ITCH: variants seen among roughly 807,000 people sequenced by gnomAD.
ITCH encodes E3 ubiquitin-protein ligase Itchy homolog.
In ITCH, 28 loss-of-function variants were observed where a neutral mutation model predicts 126.8. The observed-to-expected ratio is 0.22, with a 90% CI of 0.16 to 0.30. The LOEUF (loss-of-function observed/expected upper bound fraction) is 0.30. Ranked by LOEUF, ITCH falls within the 10% of genes least tolerant of loss-of-function variation. The pLI, the probability that ITCH is intolerant of heterozygous loss-of-function variation, is 1.00. For missense variants in ITCH, 631 were observed against 1,032.4 expected, an observed-to-expected ratio of 0.61 and a Z score of 5.33; for synonymous variants, 342 against 340.0, an observed-to-expected ratio of 1.01 and a Z score of -0.06.
At chr20:34,470,162 T>A in intron 15 of ITCH, 42 bp downstream of exon 15, 1 of 1,402,206 alleles carries the variant, frequency 7.1e-7, no homozygotes, top group Non-Finnish European at 9.8e-7. Context: ...TTAACTTTGT[T>A]GTGTTGCTTT....
intron 3 of ITCH, chr20:34,402,040 C>T: frequency 1.6e-6 from 1 of 635,376 alleles, no homozygotes; most frequent in Non-Finnish European, 2.8e-6. Context: ...GTGCGTTTGT[C>T]ATTATGGCAA....
At chr20:34,440,412 A>T in intron 9 of ITCH, 68 bp downstream of exon 9, 1 of 1,174,662 alleles carries the variant, frequency 8.5e-7, no homozygotes, top group African/African-American at 1.5e-5. Context: ...ATTAATAAGG[A>T]AAATAACAGT....
chr20:34,450,759 A>G (rs995667674), intron 12 of ITCH, among the ~76,000 whole-genome samples: 5 of 152,194 alleles, frequency 3.3e-5, no homozygotes, highest in African/African-American at 1.2e-4. Flanking sequence ...GTTGGTCCCC[A>G]AGATACATTG....
intron 12 of ITCH, among the ~76,000 whole-genome samples, chr20:34,454,160 C>T (rs1427061967): frequency 4.1e-5 from 6 of 144,912 alleles, no homozygotes; most frequent in Admixed American, 2.8e-4. Flanking sequence ...TTTTTTGAGA[C>T]GGAGTCTCGC....
chr20:34,410,235 G>A (rs538201964), intron 4 of ITCH, among the ~76,000 whole-genome samples: 2 of 152,112 alleles, frequency 1.3e-5, no homozygotes, highest in South Asian at 4.1e-4. Flanking sequence ...GGGTGTGGTG[G>A]TGGGTGCCTG....
chr20:34,398,476 G>A (rs895053482), intron 3 of ITCH, among the ~76,000 whole-genome samples: 27 of 150,754 alleles, frequency 1.8e-4, no homozygotes, highest in Admixed American at 1.2e-3. Context: ...TCGGCTCACC[G>A]CAACCTCCGC....
Position 34,479,633 on chromosome 20 carries a change from A to G in ITCH, c.1662A>G (p.Glu554=). 1 of 1,613,688 alleles carries G rather than the reference A, an allele frequency of 6.2e-7. No homozygotes were observed. Among genetic ancestry groups the G allele is most frequent in the South Asian group, 1.1e-5 (1 of 91,072 alleles). Residue 554 remains glutamate, a synonymous_variant, in exon 18 of 25, where the codon GAA becomes GAG. Coordinates refer to ENST00000374864, the MANE Select transcript of ITCH (RefSeq NM_031483.7). ...GTAAATTTTCTTTTGATTTCAGAGA[A>G]TGGTTCTTTCTTTTGTCACATGAAG... is the stretch of plus-strand genomic sequence containing the variant. The part of the protein sequence containing the change: ...EGLDYGGVAR[E]WFFLLSHEVL...
At chr20:34,474,487 C>T (rs916762532) in intron 16 of ITCH, among the ~76,000 whole-genome samples, 2 of 152,222 alleles carry the variant, frequency 1.3e-5, no homozygotes, top group Non-Finnish European at 2.9e-5. Flanking sequence ...GGGGTAAGGT[C>T]ACAGATCAAC....
intron 3 of ITCH, among the ~76,000 whole-genome samples, chr20:34,396,818 T>C (rs1051937317): frequency 2.0e-5 from 3 of 152,196 alleles, no homozygotes; most frequent in Non-Finnish European, 2.9e-5. Flanking sequence ...TCTGTCGCTA[T>C]TGTTAATTAA....
At chr20:34,439,974 G>A (rs1302310230) in intron 8 of ITCH, among the ~76,000 whole-genome samples, 181 bp from the exon 9 acceptor site, 1 of 152,170 alleles carries the variant, frequency 6.6e-6, no homozygotes, top group Non-Finnish European at 1.5e-5. Context: ...AAGTAAACAA[G>A]CCTATTAACT....
chr20:34,486,011 A>T (rs1989080242), intron 20 of ITCH, among the ~76,000 whole-genome samples: 1 of 151,746 alleles, frequency 6.6e-6, no homozygotes, highest in African/African-American at 2.4e-5. Context: ...ATATCCCACA[A>T]TTTTTTGTTG....
At chr20:34,500,941 G>A (rs1990209585) in intron 23 of ITCH, among the ~76,000 whole-genome samples, 1 of 152,162 alleles carries the variant, frequency 6.6e-6, no homozygotes, top group African/African-American at 2.4e-5. Flanking sequence ...ATAAGGTGAT[G>A]AATTCCTTCT....
chr20:34,471,277 A>G (rs1331155195), intron 15 of ITCH, among the ~76,000 whole-genome samples, 167 bp from the exon 16 acceptor site: 1 of 151,844 alleles, frequency 6.6e-6, no homozygotes, highest in Non-Finnish European at 1.5e-5. Flanking sequence ...TGTAATTAGC[A>G]TGAATACTCA....
intron 2 of ITCH, among the ~76,000 whole-genome samples, chr20:34,389,994 G>T (rs2038425530): frequency 6.6e-6 from 1 of 152,082 alleles, no homozygotes; most frequent in South Asian, 2.1e-4. Context: ...GGTTGTGGGT[G>T]CCTGTAGTCC....
intron 5 of ITCH, among the ~76,000 whole-genome samples, chr20:34,413,213 C>A (rs569018988): frequency 6.6e-6 from 1 of 152,094 alleles, no homozygotes; most frequent in South Asian, 2.1e-4. Flanking sequence ...AAAATGTCCT[C>A]ATTTTATGAG....
intron 2 of ITCH, among the ~76,000 whole-genome samples, chr20:34,375,769 T>G (rs1158218750): frequency 6.9e-6 from 1 of 145,304 alleles, no homozygotes; most frequent in Non-Finnish European, 1.5e-5. Context: ...TCCCAGCACT[T>G]TGGGAGGCCA....
At chr20:34,437,146 G>C (rs986838558) in intron 7 of ITCH, among the ~76,000 whole-genome samples, 16 of 151,692 alleles carry the variant, frequency 1.1e-4, no homozygotes, top group Non-Finnish European at 2.2e-4. Context: ...AAAGGAAAAA[G>C]AAAAAAACTA....
chr20:34,412,470 A>ATATT, intron 4 of ITCH, 45 bp from the exon 5 acceptor site: 1 of 1,387,526 alleles, frequency 7.2e-7, no homozygotes, highest in Non-Finnish European at 1.0e-6. Flanking sequence ...TCTCATTGTG[A>ATATT]TATTCAATAA....
intron 7 of ITCH, among the ~76,000 whole-genome samples, chr20:34,434,996 T>A (rs1982819554): frequency 6.6e-6 from 1 of 152,150 alleles, no homozygotes; most frequent in African/African-American, 2.4e-5. Context: ...TGTATAGGAC[T>A]TAGAGCTTTT....
Sources: allele counts gnomAD v4.1 joint callset (sites outside exome capture counted in the v4.1 genomes callset), GRCh38; gene constraint gnomAD v4.1.1; transcripts MANE v1.5; gene names NCBI Gene and HGNC (gene_info 2026-07-23, HGNC 2026-07-21).